The following KCNG3 variants were observed in gnomAD, a reference collection of about 807,000 sequenced individuals.
KCNG3 encodes the protein potassium voltage-gated channel modifier subfamily G member 3, also known as voltage-gated potassium channel regulatory subunit KCNG3.
Under a neutral mutation model 29.0 loss-of-function variants are expected in KCNG3, and 15 were observed. The observed-to-expected ratio is 0.52, with a 90% CI of 0.35 to 0.80. KCNG3 has a LOEUF of 0.80. Ranked by LOEUF, KCNG3 falls within the 30% of genes least tolerant of loss-of-function variation. The pLI is 0.01. For synonymous variants in KCNG3, 322 were observed against 248.9 expected (o/e 1.29, Z -2.76); for missense variants, 512 against 605.7 (o/e 0.85, Z 1.62).
chr2:42,439,911 C>T (rs950571454), downstream of KCNG3, among the ~76,000 whole-genome samples: 3 of 151,132 alleles, frequency 2.0e-5, no homozygotes, highest in African/African-American at 4.9e-5. Context: ...CCAAAGTGCT[C>T]GGATTACAGG....
chr2:42,416,818 CAAAA>C, the KCNG3 span, among the ~76,000 whole-genome samples: 1 of 89,596 alleles, frequency 1.1e-5, no homozygotes, highest in African/African-American at 4.3e-5. Flanking sequence ...TCCCCTGTCT[CAAAA>C]AAAAAAAAAA....
intron 1 of KCNG3, among the ~76,000 whole-genome samples, chr2:42,462,134 T>A (rs1334245710): frequency 6.6e-6 from 1 of 152,148 alleles, no homozygotes; most frequent in East Asian, 1.9e-4. Context: ...GAAGTCCAAT[T>A]TAGATTTTAA....
chr2:42,490,880 G>A (rs1673854715), intron 1 of KCNG3, among the ~76,000 whole-genome samples: 1 of 152,108 alleles, frequency 6.6e-6, no homozygotes, highest in African/African-American at 2.4e-5. Flanking sequence ...ACAGGTTAAG[G>A]GCCCTCTCTG....
the KCNG3 span, among the ~76,000 whole-genome samples, chr2:42,403,997 G>T: frequency 6.6e-6 from 1 of 152,148 alleles, no homozygotes; most frequent in East Asian, 1.9e-4. Context: ...CACAAAATAA[G>T]CTAAGTAACT....
At chr2:42,394,562 G>A in the KCNG3 span, among the ~76,000 whole-genome samples, 11 of 152,284 alleles carry the variant, frequency 7.2e-5, no homozygotes, top group Admixed American at 3.9e-4. Flanking sequence ...AAAGGGAAAA[G>A]TCAAGCTGGG....
chr2:42,430,135 G>T, the KCNG3 span, among the ~76,000 whole-genome samples: 3 of 152,238 alleles, frequency 2.0e-5, no homozygotes, highest in East Asian at 1.9e-4. Context: ...GGGTGGCCAA[G>T]GCAGGCAGAT....
chr2:42,492,539 G>A (rs1459817074), intron 1 of KCNG3, among the ~76,000 whole-genome samples: 2 of 152,216 alleles, frequency 1.3e-5, no homozygotes, highest in East Asian at 1.9e-4. Flanking sequence ...TGCTCTCTGC[G>A]CAAAAGTAAA....
downstream of KCNG3, among the ~76,000 whole-genome samples, chr2:42,441,198 C>T (rs1404042068): frequency 6.6e-6 from 1 of 151,386 alleles, no homozygotes; most frequent in African/African-American, 2.4e-5. Flanking sequence ...CTGGGCAACA[C>T]AGTGAGACCC....
chr2:42,412,242 A>G, the KCNG3 span, among the ~76,000 whole-genome samples: 1 of 152,258 alleles, frequency 6.6e-6, no homozygotes, highest in Non-Finnish European at 1.5e-5. Flanking sequence ...CTAAAATTTT[A>G]TCTAACACTC....
chr2:42,424,163 C>G, the KCNG3 span, among the ~76,000 whole-genome samples: 1 of 152,166 alleles, frequency 6.6e-6, no homozygotes, highest in African/African-American at 2.4e-5. Flanking sequence ...AGAAGGACCA[C>G]CCACACACCA....
the KCNG3 span, among the ~76,000 whole-genome samples, chr2:42,393,236 AC>A: frequency 6.6e-6 from 1 of 151,802 alleles, no homozygotes; most frequent in South Asian, 2.1e-4. Context: ...ACAAAAAAAA[AC>A]AAAGAATTTT....
Position 42,443,807 on chromosome 2 carries a change from G to T in KCNG3, c.*127C>A. The T allele has an allele frequency of 1.2e-6, 1 of 852,012 alleles. No individual in the cohort carries two copies. The highest frequency in any genetic ancestry group is 1.8e-6 in the Non-Finnish European group (1 of 547,250). The allele number at this position is 852,012 out of a possible 1,614,324, so 52.8% of individuals were successfully genotyped here. A position where few individuals can be genotyped will look rare whatever the true frequency, so the allele number is the denominator to read the frequency against. Reference sequence around the variant, plus strand: ...ACTGTTTTATCCCTTCGGCTGGGAAGGATAATTTTTACCCTACCAAGATGA... The same window carrying T: ...ACTGTTTTATCCCTTCGGCTGGGAATGATAATTTTTACCCTACCAAGATGA... On this transcript the variant is annotated 3_prime_UTR_variant, in exon 2 of 2. Transcript: ENST00000306078.
intron 1 of KCNG3, among the ~76,000 whole-genome samples, chr2:42,458,147 G>A (rs1672924554): frequency 6.6e-6 from 1 of 152,054 alleles, no homozygotes; most frequent in Non-Finnish European, 1.5e-5. Flanking sequence ...ATTTCATTAG[G>A]ATATGTGGCA....
intron 1 of KCNG3, among the ~76,000 whole-genome samples, chr2:42,450,574 T>A (rs181228544): frequency 6.6e-6 from 1 of 152,356 alleles, no homozygotes; most frequent in Admixed American, 6.5e-5. Context: ...TGAAGCCGAT[T>A]CTGATTTCTT....
chr2:42,434,746 T>C, the KCNG3 span, among the ~76,000 whole-genome samples: 1 of 151,186 alleles, frequency 6.6e-6, no homozygotes, highest in Non-Finnish European at 1.5e-5. Flanking sequence ...AGATACAATC[T>C]TTTGTTCTGG....
downstream of KCNG3, among the ~76,000 whole-genome samples, chr2:42,439,408 C>T (rs758535321): frequency 9.9e-5 from 15 of 151,520 alleles, no homozygotes; most frequent in Admixed American, 2.6e-4. Flanking sequence ...ATTACATTCA[C>T]GTGTCATCAA....
intron 1 of KCNG3, among the ~76,000 whole-genome samples, chr2:42,447,285 T>C (rs1330878815): frequency 3.3e-5 from 5 of 150,562 alleles, no homozygotes; most frequent in Non-Finnish European, 7.4e-5. Flanking sequence ...TATATATACA[T>C]ACAGATACAT....
At chr2:42,431,796 G>A in the KCNG3 span, among the ~76,000 whole-genome samples, 1 of 152,188 alleles carries the variant, frequency 6.6e-6, no homozygotes, top group Non-Finnish European at 1.5e-5. Context: ...CCAACACTTC[G>A]GGAGGCCGAC....
At chr2:42,425,732 T>C in the KCNG3 span, among the ~76,000 whole-genome samples, 1 of 151,922 alleles carries the variant, frequency 6.6e-6, no homozygotes, top group Non-Finnish European at 1.5e-5. Context: ...GAAGAGTAAT[T>C]AAAAGGGAGA....
Sources: allele counts gnomAD v4.1 joint callset (sites outside exome capture counted in the v4.1 genomes callset), GRCh38; gene constraint gnomAD v4.1.1; transcripts MANE v1.5; gene names NCBI Gene and HGNC (gene_info 2026-07-23, HGNC 2026-07-21).